KIAA1549: variants seen among roughly 807,000 people sequenced by gnomAD.
KIAA1549 encodes UPF0606 protein KIAA1549.
Under a neutral mutation model 156.4 loss-of-function variants are expected in KIAA1549, and 70 were observed. The observed-to-expected ratio is 0.45, with a 90% confidence interval of 0.37 to 0.55. The LOEUF (loss-of-function observed/expected upper bound fraction) is 0.55. KIAA1549 is among the 20% of genes least tolerant of loss of function. The pLI is 0.00. For missense variants in KIAA1549, 2,428 were observed against 2,540.9 expected (o/e 0.96, Z 0.96); for synonymous variants, 1,103 against 1,066.4 (o/e 1.03, Z -0.67).
intron 1 of KIAA1549, among the ~76,000 whole-genome samples, chr7:138,926,169 TCTA>T (rs1812712233): frequency 6.6e-6 from 1 of 152,196 alleles, no homozygotes; most frequent in East Asian, 1.9e-4. Flanking sequence ...GGCTATGAAA[TCTA>T]CTACAAAACA....
At chr7:138,911,968 C>T (rs1812182492) in intron 3 of KIAA1549, among the ~76,000 whole-genome samples, 1 of 152,224 alleles carries the variant, frequency 6.6e-6, no homozygotes. Context: ...AGATTTGGAT[C>T]TCCATCTCTA....
intron 1 of KIAA1549, among the ~76,000 whole-genome samples, chr7:138,955,832 T>A (rs1466352076): frequency 6.6e-6 from 1 of 152,186 alleles, no homozygotes; most frequent in Non-Finnish European, 1.5e-5. Flanking sequence ...AGAGACAAAC[T>A]TTTTTTATCC....
chr7:138,837,164 GC>G lies in KIAA1549; in HGVS notation c.*741del, dbSNP rs1316007610. 2.7e-5 allele frequency: 6 copies of G among 225,760 alleles called. No homozygotes were observed. The highest frequency in any genetic ancestry group is 4.4e-5 in the Non-Finnish European group (5 of 113,916). The allele number at this position is 225,760 out of a possible 1,614,324, so 14.0% of individuals were successfully genotyped here. ...TAATCAAATAAATATAAAGCTTTTT[GC>G]CCCACTTTGGGAGGGATTTTTTTTT... On this transcript the variant is annotated 3_prime_UTR_variant, in exon 20 of 20. Transcript: ENST00000422774.
chr7:138,915,418 T>C (rs533688070), intron 2 of KIAA1549, among the ~76,000 whole-genome samples: 5 of 152,200 alleles, frequency 3.3e-5, no homozygotes, highest in African/African-American at 7.2e-5. Context: ...TTACTTGCCA[T>C]GTGGAATAAC....
chr7:138,952,575 G>T (rs1813533045), intron 1 of KIAA1549, among the ~76,000 whole-genome samples: 1 of 152,186 alleles, frequency 6.6e-6, no homozygotes, highest in African/African-American at 2.4e-5. Context: ...AGCTGTGAAG[G>T]GCTGACGTGA....
chr7:138,961,747 CAGG>C (rs1813855951), intron 1 of KIAA1549, among the ~76,000 whole-genome samples: 1 of 150,726 alleles, frequency 6.6e-6, no homozygotes, highest in South Asian at 2.1e-4. Flanking sequence ...GAGGCTGAGG[CAGG>C]AGAACTGCTT....
intron 1 of KIAA1549, among the ~76,000 whole-genome samples, chr7:138,920,057 C>T (rs1262819368): frequency 6.6e-6 from 1 of 151,108 alleles, no homozygotes; most frequent in Non-Finnish European, 1.5e-5. Flanking sequence ...TTCACCATTT[C>T]CTGCCCCACT....
At chr7:138,863,514 G>C (rs1584712571) in intron 15 of KIAA1549, among the ~76,000 whole-genome samples, 2 of 151,944 alleles carry the variant, frequency 1.3e-5, no homozygotes, top group East Asian at 1.9e-4. Context: ...TACAAAACTA[G>C]TAACCCCACA....
At chr7:138,955,069 C>T (rs954436213) in intron 1 of KIAA1549, among the ~76,000 whole-genome samples, 1 of 152,210 alleles carries the variant, frequency 6.6e-6, no homozygotes, top group African/African-American at 2.4e-5. Flanking sequence ...TTCATTCAAA[C>T]ACCGATCAGT....
At chr7:138,847,043 G>A (rs987450001) in intron 17 of KIAA1549, among the ~76,000 whole-genome samples, 6 of 152,080 alleles carry the variant, frequency 3.9e-5, no homozygotes, top group Admixed American at 1.3e-4. Flanking sequence ...ACTGTAAACC[G>A]GAGCCCACAC....
chr7:138,915,885 C>T (rs1011041349), intron 2 of KIAA1549, among the ~76,000 whole-genome samples: 2 of 152,214 alleles, frequency 1.3e-5, no homozygotes, highest in Non-Finnish European at 2.9e-5. Flanking sequence ...AGCGGGCCAC[C>T]GTCGCGGGAC....
chr7:138,944,985 A>G (rs1813297516), intron 1 of KIAA1549, among the ~76,000 whole-genome samples: 1 of 152,220 alleles, frequency 6.6e-6, no homozygotes, highest in African/African-American at 2.4e-5. Context: ...GAACACTTTG[A>G]AAGGGCTAAA....
intron 10 of KIAA1549, among the ~76,000 whole-genome samples, chr7:138,884,416 G>C (rs1455568319): frequency 1.3e-5 from 2 of 152,168 alleles, no homozygotes; most frequent in South Asian, 2.1e-4. Context: ...AGCAGGAAGG[G>C]AGGTGGGACA....
At chr7:138,940,467 A>G (rs1170512141) in intron 1 of KIAA1549, among the ~76,000 whole-genome samples, 8 of 150,698 alleles carry the variant, frequency 5.3e-5, no homozygotes, top group Non-Finnish European at 1.2e-4. Context: ...CAGTGCCGCA[A>G]TAAACATACG....
intron 1 of KIAA1549, among the ~76,000 whole-genome samples, chr7:138,936,741 C>T (rs1226502629): frequency 2.1e-5 from 3 of 142,060 alleles, no homozygotes; most frequent in Non-Finnish European, 4.7e-5. Context: ...CCCACCCCCA[C>T]ACAAACACAC....
At chr7:138,842,466 C>T (rs575309061) in intron 18 of KIAA1549, among the ~76,000 whole-genome samples, 1 of 152,304 alleles carries the variant, frequency 6.6e-6, no homozygotes, top group East Asian at 1.9e-4. Flanking sequence ...GCGGGCGGAT[C>T]ACCTGAGGTC....
At chr7:138,899,262 C>A in intron 8 of KIAA1549, 130 bp from the exon 9 acceptor site, 1 of 786,666 alleles carries the variant, frequency 1.3e-6, no homozygotes, top group South Asian at 1.6e-5. Context: ...GTAAGCCATT[C>A]AGGGGCCCAG....
At position 138,843,995 on chromosome 7, in the gene KIAA1549, C is replaced by G. The variant is rs532477448; in HGVS notation, c.5452+322G>C. ...GCTGAAAAAAGCACCTTCTTGAAAA[C>G]TAACTCTTGTTTTCATGCCATCCAA... On this transcript the variant is annotated intron_variant, in intron 18 of 19. Coordinates refer to ENST00000422774, the MANE Select transcript of KIAA1549 (RefSeq NM_001164665.2). 1.4e-3 allele frequency among the ~76,000 whole-genome samples: 206 copies of G among 152,302 alleles called. 2 individuals carry two copies. The highest frequency in any genetic ancestry group is 2.5e-3 in the Non-Finnish European group (172 of 68,022).
rs140457596 is a variant in KIAA1549 at position 138,900,163 on chromosome 7, C to A, written c.3670-1031G>T. Among the ~76,000 whole-genome samples, 23 of 152,292 alleles carry A rather than the reference C, an allele frequency of 1.5e-4. No individual in the cohort carries two copies. The East Asian group carries it at 4.2e-3, about 28-fold the overall frequency. ...TGTGCTCTGGACACAGCTGCTGGAC[C>A]CCTCCTTCACCACGGGAAACTTCTG... On this transcript the variant is annotated intron_variant, in intron 8 of 19. Coordinates refer to ENST00000422774, the MANE Select transcript of KIAA1549 (RefSeq NM_001164665.2).
Sources: allele counts gnomAD v4.1 joint callset (sites outside exome capture counted in the v4.1 genomes callset), GRCh38; gene constraint gnomAD v4.1.1; transcripts MANE v1.5; gene names NCBI Gene and HGNC (gene_info 2026-07-23, HGNC 2026-07-21).